Variants in LPIN1 observed in about 807,000 individuals in gnomAD.
LPIN1 encodes phosphatidate phosphatase LPIN1.
A neutral mutation model predicts 107.5 loss-of-function variants in LPIN1; 71 were observed. That is an observed-to-expected ratio of 0.66 (90% CI 0.55 to 0.80). The LOEUF is 0.80. LPIN1 is among the 30% of genes least tolerant of loss of function. The pLI, the probability that LPIN1 is intolerant of heterozygous loss-of-function variation, is 0.00. For missense variants in LPIN1, 1,043 were observed against 1,160.6 expected (o/e 0.90, Z 1.47); for synonymous variants, 445 against 452.6 (o/e 0.98, Z 0.21).
At position 11,825,537 on chromosome 2, in the gene LPIN1, C is replaced by A. The variant is rs1042588161; in HGVS notation, c.*746C>A. On this transcript the variant is annotated 3_prime_UTR_variant, in exon 21 of 21. Transcript: ENST00000674199. This position sits in a 1 kb window ranked among gnomAD's most constrained non-coding sequence, Gnocchi z 4.1. ...TATCTATGGCAGACATTTAAGAATGCGCTTTATCTAGCTCATGGTAACTTT... is the reference window on the plus strand; with the variant it reads ...TATCTATGGCAGACATTTAAGAATGAGCTTTATCTAGCTCATGGTAACTTT... The A allele has an allele frequency of 6.6e-6, 1 of 152,644 alleles. No homozygotes were observed. The allele number at this position is 152,644 out of a possible 1,614,324, so 9.5% of individuals were successfully genotyped here.
chr2:11,817,794 G>A (rs1448574213), intron 18 of LPIN1: 1 of 151,866 alleles, frequency 6.6e-6, no homozygotes, highest in Non-Finnish European at 1.5e-5. Flanking sequence ...CGGGCATGGT[G>A]GCAGGCACCT....
chr2:11,713,811 A>T (rs1258183765), exon 2 of LPIN1: 1 of 1,516,012 alleles, frequency 6.6e-7, no homozygotes, highest in South Asian at 1.2e-5. Flanking sequence ...TCAAACATTA[A>T]CGTGAGTGCC....
intron 14 of LPIN1, among the ~76,000 whole-genome samples, chr2:11,799,173 A>G (rs942686922): frequency 6.6e-6 from 1 of 152,108 alleles, no homozygotes; most frequent in Admixed American, 6.6e-5. Context: ...CCAACTGCGC[A>G]TCTCGCATTT....
In LPIN1 at chr2:11,782,316, C is replaced by A; in HGVS notation, c.1073C>A (p.Ser358Ter). The change falls in exon 8 of 21, where the codon TCG becomes TAG. Residue 358 changes from serine (S) to a stop codon, truncating the protein, a stop_gained. Coordinates refer to ENST00000674199, the MANE Select transcript of LPIN1 (RefSeq NM_001349206.2). LOFTEE classifies it high-confidence loss of function. ...SESSDTFSDQ[S>*]PTLVGGALLD... ...TCTTCAGACACTTTTAGTGACCAAT[C>A]GCCAACTCTGGTCGGTGGGGCACTT... is the stretch of plus-strand genomic sequence containing the variant. 6.2e-7 allele frequency: 1 copy of A among 1,614,158 alleles called. No individual in the cohort carries two copies.
At chr2:11,748,054 C>T (rs1487254204) in intron 1 of LPIN1, among the ~76,000 whole-genome samples, 3 of 152,170 alleles carry the variant, frequency 2.0e-5, no homozygotes, top group South Asian at 2.1e-4. Context: ...GGACAAGGGG[C>T]GGACCTGCTG....
At position 11,703,796 on chromosome 2, in the gene LPIN1, C is replaced by A. The variant is rs1324160044; in HGVS notation, c.82-9960C>A. ...ATTCTAGTTATCCCTCCAAAACAAA[C>A]TGACTCAAGATTTAGTGGCTTAAAA... On this transcript the variant is annotated intron_variant, in intron 1 of 21. Coordinates refer to the LPIN1 transcript ENST00000449576. Among the ~76,000 whole-genome samples, 7 of 152,240 alleles carry A rather than the reference C, an allele frequency of 4.6e-5. No homozygotes were observed. The East Asian group carries it at 1.3e-3, about 29-fold the overall frequency.
chr2:11,811,756 G>A (rs1193236629), intron 17 of LPIN1, among the ~76,000 whole-genome samples: 1 of 152,246 alleles, frequency 6.6e-6, no homozygotes, highest in African/African-American at 2.4e-5. Context: ...GGAGGCCAAG[G>A]CAGGTGGATC....
intron 17 of LPIN1, 117 bp from the exon 18 acceptor site, chr2:11,814,971 T>C (rs1680321277): frequency 5.4e-6 from 5 of 931,206 alleles, no homozygotes; most frequent in Admixed American, 2.0e-5. Flanking sequence ...GACTTTTGTA[T>C]GTGGGGGAAC....
In LPIN1 at chr2:11,697,842, C is replaced by T. The variant is rs565806885; in HGVS notation, c.82-15914C>T. On this transcript the variant is annotated intron_variant, in intron 1 of 21. Coordinates refer to the LPIN1 transcript ENST00000449576. The surrounding 1 kb of genome is among the most constrained non-coding windows in gnomAD (Gnocchi z 4.6). ...CACCAGGCCAGGGAACAAGCCCTAC[C>T]GCACATTACATGGAAGCGAGTGTGC... is the stretch of plus-strand genomic sequence containing the variant. 2.0e-5 allele frequency among the ~76,000 whole-genome samples: 3 copies of T among 152,234 alleles called. No homozygotes were observed. Among genetic ancestry groups the T allele is most frequent in the South Asian group, 2.1e-4 (1 of 4,816 alleles).
At chr2:11,733,732 T>A (rs1466166718) in intron 1 of LPIN1, among the ~76,000 whole-genome samples, 1 of 152,194 alleles carries the variant, frequency 6.6e-6, no homozygotes, top group Non-Finnish European at 1.5e-5. Flanking sequence ...CTTCAAGCAA[T>A]CTTCCCGCCT....
At chr2:11,703,874 A>G (rs1266452000) in intron 1 of LPIN1, among the ~76,000 whole-genome samples, 1 of 152,210 alleles carries the variant, frequency 6.6e-6, no homozygotes, top group African/African-American at 2.4e-5. Context: ...ATCTGGGCTC[A>G]GCTGGGTGAT....
chr2:11,781,300 CA>C (rs898684101), intron 7 of LPIN1, among the ~76,000 whole-genome samples: 18 of 152,194 alleles, frequency 1.2e-4, no homozygotes, highest in African/African-American at 4.3e-4. Flanking sequence ...CTGACCCAGC[CA>C]ACTCTCTTTG....
chr2:11,819,342 G>C, intron 18 of LPIN1, 142 bp from the exon 19 acceptor site: 1 of 659,120 alleles, frequency 1.5e-6, no homozygotes, highest in African/African-American at 1.8e-5. Flanking sequence ...GCTTTTCTGG[G>C]ATGTCTCAGC....
intron 1 of LPIN1, among the ~76,000 whole-genome samples, chr2:11,693,339 C>T (rs977633207): frequency 6.6e-6 from 1 of 151,770 alleles, no homozygotes; most frequent in Non-Finnish European, 1.5e-5. Flanking sequence ...ATCTGGAGAT[C>T]CCAGAATTTT....
At chr2:11,824,563 T>G in intron 20 of LPIN1, 69 bp from the exon 21 acceptor site, 1 of 1,532,500 alleles carries the variant, frequency 6.5e-7, no homozygotes, top group Non-Finnish European at 9.0e-7. Context: ...CTCTCTTGAC[T>G]TCTACGTGCA....
At chr2:11,761,542 T>C (rs1172579557) in intron 1 of LPIN1, among the ~76,000 whole-genome samples, 1 of 152,116 alleles carries the variant, frequency 6.6e-6, no homozygotes, top group African/African-American at 2.4e-5. Context: ...TCATTTAAAA[T>C]TGTAAAATGA....
chr2:11,725,033 G>A lies in LPIN1; in HGVS notation c.-72+494G>A, dbSNP rs374325390. On this transcript the variant is annotated intron_variant, in intron 1 of 21. Transcript: ENST00000396097. ...ACCCAGCACTTAGGGAGGCCGAGGC[G>A]GGCGGATCACAAGGTCAGGAGATCG... Among the ~76,000 whole-genome samples, 348 of 152,290 alleles carry A rather than the reference G, an allele frequency of 2.3e-3. 4 individuals carry two copies. In the East Asian group the frequency reaches 0.031, roughly 14 times the overall value.
rs1025211530 is a variant in LPIN1 at position 11,805,080 on chromosome 2, C to T, written c.2173C>T (p.Leu725Phe). The change falls in exon 17 of 21, where the codon CTT (leucine) becomes TTT (phenylalanine). Residue 725 changes from leucine (L) to phenylalanine (F), a missense_variant. Coordinates refer to ENST00000674199, the MANE Select transcript of LPIN1 (RefSeq NM_001349206.2). ...TTCCTCTTCATTTAGATCAGATACT[C>T]TTGGCCACATTTTGCCCACCCTTGG... ...IDGTITRSDT[L>F]GHILPTLGKD... The T allele has an allele frequency of 1.2e-6, 2 of 1,610,202 alleles. No homozygotes were observed.
At chr2:11,780,677 C>T (rs1361075710) in intron 7 of LPIN1, among the ~76,000 whole-genome samples, 2 of 152,172 alleles carry the variant, frequency 1.3e-5, no homozygotes, top group South Asian at 2.1e-4. Flanking sequence ...CTCACTGCAC[C>T]GCTTGCTAAA....
Sources: allele counts gnomAD v4.1 joint callset (sites outside exome capture counted in the v4.1 genomes callset), GRCh38; gene constraint gnomAD v4.1.1; non-coding constraint Gnocchi (gnomAD v3.1); transcripts MANE v1.5; gene names NCBI Gene and HGNC (gene_info 2026-07-23, HGNC 2026-07-21).